SCIMP: variants seen among roughly 807,000 people sequenced by gnomAD.
SCIMP encodes the protein SLP adapter and CSK-interacting membrane protein.
Under a neutral mutation model 22.0 loss-of-function variants are expected in SCIMP, and 18 were observed. The observed-to-expected ratio is 0.82, with a 90% CI of 0.56 to 1.21. The LOEUF is 1.21. Ranked by LOEUF, SCIMP falls within the 50% of genes most tolerant of loss-of-function variation. SCIMP has a pLI of 0.00. For missense variants in SCIMP, 155 were observed against 171.2 expected (o/e 0.91, Z 0.53); for synonymous variants, 53 against 62.2 (o/e 0.85, Z 0.70).
At position 5,208,955 on chromosome 17, in the gene SCIMP, C is replaced by T. The variant is rs928861897; in HGVS notation, c.*1846G>A. The T allele has an allele frequency of 3.9e-5, 6 of 152,176 alleles. No individual in the cohort carries two copies. Among genetic ancestry groups the T allele is most frequent in the African/African-American group, 1.4e-4 (6 of 41,418 alleles). 9.4% of individuals were successfully genotyped at this position (152,176 alleles called of 1,614,324 possible). ...ATTTGTTTTTAACTTTTGTCATAGT[C>T]ATGGAGGGTTTACAGAACATTTATA... On this transcript the variant is annotated 3_prime_UTR_variant, in exon 5 of 5. Coordinates refer to ENST00000574081, the MANE Select transcript of SCIMP (RefSeq NM_207103.3).
At chr17:5,221,134 C>G (rs1211549589) in intron 3 of SCIMP, 153 bp downstream of exon 3, 1 of 722,626 alleles carries the variant, frequency 1.4e-6, no homozygotes, top group Non-Finnish European at 2.6e-6. Flanking sequence ...AGTCTCTGCC[C>G]TTATGTGGAG....
chr17:5,232,379 T>TAAACAGTGC (rs1335651316), intron 1 of SCIMP, among the ~76,000 whole-genome samples: 3 of 27,518 alleles, frequency 1.1e-4, no homozygotes, highest in Admixed American at 4.9e-4. Flanking sequence ...CAGTGCAGTA[T>TAAACAGTGC]AAACAGTGCA....
chr17:5,212,905 A>C (rs190242232), intron 4 of SCIMP: 5 of 153,492 alleles, frequency 3.3e-5, no homozygotes, highest in Admixed American at 2.6e-4. Context: ...GAGATCAATA[A>C]TACATAAATG....
chr17:5,215,563 G>T (rs141893799), intron 3 of SCIMP, among the ~76,000 whole-genome samples: 1 of 152,052 alleles, frequency 6.6e-6, no homozygotes, highest in South Asian at 2.1e-4. Context: ...GCAGTGAGCC[G>T]AGATCATGCT....
At chr17:5,227,709 C>A (rs533787534) in intron 1 of SCIMP, among the ~76,000 whole-genome samples, 2 of 152,196 alleles carry the variant, frequency 1.3e-5, no homozygotes, top group Non-Finnish European at 2.9e-5. Flanking sequence ...TGCAATAGCA[C>A]GCACCAACTC....
At chr17:5,227,334 TAGCC>T (rs2074658618) in intron 1 of SCIMP, among the ~76,000 whole-genome samples, 1 of 114,992 alleles carries the variant, frequency 8.7e-6, no homozygotes, top group Admixed American at 8.1e-5. Flanking sequence ...CTCTTACACT[TAGCC>T]AGGTGTGGCG....
intron 3 of SCIMP, 196 bp downstream of exon 3, chr17:5,221,091 A>C: frequency 1.5e-6 from 1 of 664,570 alleles, no homozygotes. Context: ...AGATGAGAGG[A>C]GGGAGGACTT....
At position 5,210,614 on chromosome 17, in the gene SCIMP, C is replaced by A; in HGVS notation, c.*187G>T. ...CCGAGCACCCATGTGTCTCCTCTGG[C>A]TGCAGTCATCCGATCGCAGGGGTGT... On this transcript the variant is annotated 3_prime_UTR_variant, in exon 5 of 5. Transcript: ENST00000574081. 2.9e-6 allele frequency: 2 copies of A among 688,050 alleles called. No individual in the cohort carries two copies. Among genetic ancestry groups the A allele is most frequent in the Non-Finnish European group, 4.6e-6 (2 of 438,760 alleles). The allele number at this position is 688,050 out of a possible 1,614,324, so 42.6% of individuals were successfully genotyped here.
intron 3 of SCIMP, among the ~76,000 whole-genome samples, chr17:5,219,189 C>T (rs551662200): frequency 2.6e-4 from 39 of 152,088 alleles, no homozygotes; most frequent in Non-Finnish European, 4.9e-4. Context: ...TGTGGTGGCG[C>T]GCGCCTGTAA....
At chr17:5,232,446 T>TGCAGTATAAACAGTGCAG in intron 1 of SCIMP, among the ~76,000 whole-genome samples, 4 of 151,584 alleles carry the variant, frequency 2.6e-5, no homozygotes, top group African/African-American at 9.7e-5. Context: ...GTGTAAACAG[T>TGCAGTATAAACAGTGCAG]TTTACCCACA....
intron 1 of SCIMP, among the ~76,000 whole-genome samples, chr17:5,229,930 T>C (rs947649817): frequency 1.3e-5 from 2 of 150,112 alleles, no homozygotes; most frequent in Non-Finnish European, 3.0e-5. Flanking sequence ...CTTTCTCCTC[T>C]CCTCTTCTCT....
intron 3 of SCIMP, among the ~76,000 whole-genome samples, chr17:5,215,583 C>T (rs1219682691): frequency 6.6e-6 from 1 of 152,142 alleles, no homozygotes; most frequent in Non-Finnish European, 1.5e-5. Flanking sequence ...TACTGCACTC[C>T]AGCCTAGGCA....
At chr17:5,220,309 G>A (rs767293822) in intron 3 of SCIMP, among the ~76,000 whole-genome samples, 2 of 151,978 alleles carry the variant, frequency 1.3e-5, no homozygotes, top group Non-Finnish European at 2.9e-5. Context: ...GGCTGGGCAC[G>A]GTGGCATGTG....
intron 4 of SCIMP, among the ~76,000 whole-genome samples, chr17:5,212,219 G>A (rs1173146409): frequency 1.3e-5 from 2 of 152,218 alleles, no homozygotes; most frequent in African/African-American, 4.8e-5. Flanking sequence ...ACTATTTGCA[G>A]AACTCTGCAG....
intron 1 of SCIMP, among the ~76,000 whole-genome samples, chr17:5,232,202 A>G (rs1276733619): frequency 6.6e-6 from 1 of 152,228 alleles, no homozygotes; most frequent in Non-Finnish European, 1.5e-5. Context: ...GCGCCGTGTT[A>G]TGTTCTGTGT....
intron 1 of SCIMP, among the ~76,000 whole-genome samples, chr17:5,226,458 AG>A (rs1226512779): frequency 6.6e-6 from 1 of 151,904 alleles, no homozygotes; most frequent in Non-Finnish European, 1.5e-5. Flanking sequence ...TGTTCTTACA[AG>A]TGAAATGGAC....
At chr17:5,227,475 C>G (rs1723164918) in intron 1 of SCIMP, among the ~76,000 whole-genome samples, 1 of 152,142 alleles carries the variant, frequency 6.6e-6, no homozygotes. Context: ...CTCGGCCTCC[C>G]AAAGTTCTGG....
intron 4 of SCIMP, chr17:5,214,683 A>T: frequency 2.3e-6 from 1 of 438,424 alleles, no homozygotes; most frequent in South Asian, 4.1e-5. Context: ...TACTAAAAAT[A>T]CAAAAAATTA....
chr17:5,231,817 G>A (rs2074697076), intron 1 of SCIMP, among the ~76,000 whole-genome samples: 1 of 152,232 alleles, frequency 6.6e-6, no homozygotes, highest in Non-Finnish European at 1.5e-5. Flanking sequence ...CACTTTGGGA[G>A]GCTGAGGCGG....
Sources: gnomAD v4.1 joint callset for allele counts (sites outside exome capture counted in the v4.1 genomes callset) on GRCh38, gnomAD v4.1.1 for gene constraint, MANE v1.5 for transcripts, NCBI Gene and HGNC (gene_info 2026-07-23, HGNC 2026-07-21) for gene names.